RICTOR: variants seen among roughly 807,000 people sequenced by gnomAD.
The protein encoded by RICTOR is RPTOR independent companion of MTOR complex 2.
In RICTOR, 49 loss-of-function variants were observed where a neutral mutation model predicts 214.9. That is an observed-to-expected ratio of 0.23 (90% confidence interval 0.18 to 0.29). The LOEUF (loss-of-function observed/expected upper bound fraction) is 0.29. RICTOR is among the 10% of genes least tolerant of loss of function. The pLI, the probability that RICTOR is intolerant of heterozygous loss-of-function variation, is 1.00. For missense variants in RICTOR, 1,625 were observed against 2,047.0 expected, an observed-to-expected ratio of 0.79 and a Z score of 3.98; for synonymous variants, 717 against 711.3, an observed-to-expected ratio of 1.01 and a Z score of -0.13.
At position 38,947,478 on chromosome 5, in the gene RICTOR, T is replaced by C. The variant is rs202198840; in HGVS notation, c.4137-37A>G. On this transcript the variant is annotated intron_variant, in intron 31 of 37. Transcript: ENST00000357387. Reference sequence around the variant, plus strand: ...TAAAGAAACCACTTGCATTAGTTTCTTGATCTGTAATTTTAATCATATGAA... The same window carrying C: ...TAAAGAAACCACTTGCATTAGTTTCCTGATCTGTAATTTTAATCATATGAA... 200 of 1,442,210 alleles carry C rather than the reference T, an allele frequency of 1.4e-4. 1 individual carries two copies. The African/African-American group carries it at 2.4e-3, about 17-fold the overall frequency. 89.3% of individuals were successfully genotyped at this position (1,442,210 alleles called of 1,614,324 possible). A position where few individuals can be genotyped will look rare whatever the true frequency, so the allele number is the denominator to read the frequency against.
In RICTOR at chr5:38,984,307, T is replaced by C. The variant is rs572024428; in HGVS notation, c.584-2271A>G. On this transcript the variant is annotated intron_variant, in intron 7 of 37. Transcript: ENST00000357387. ...CCAAACATTTGTGGATTTTAGTTTC[T>C]TCTTCCAATTAACAATTTAGATTAC... Among the ~76,000 whole-genome samples the C allele has an allele frequency of 6.6e-5, 10 of 152,322 alleles. No homozygotes were observed. In the South Asian group the frequency reaches 2.1e-3, roughly 32 times the overall value.
At chr5:38,985,548 T>C (rs533266708) in intron 7 of RICTOR, among the ~76,000 whole-genome samples, 1 of 152,278 alleles carries the variant, frequency 6.6e-6, no homozygotes, top group Non-Finnish European at 1.5e-5. Flanking sequence ...CTTATAGTAA[T>C]ATCTATAGCT....
intron 2 of RICTOR, among the ~76,000 whole-genome samples, chr5:39,024,911 T>C (rs1252882279): frequency 1.3e-5 from 2 of 152,218 alleles, no homozygotes; most frequent in African/African-American, 4.8e-5. Context: ...TGAATGGCTA[T>C]TATGATCAGG....
At position 38,942,347 on chromosome 5, in the gene RICTOR, G is replaced by T. The variant is rs61748204; in HGVS notation, c.5084C>A (p.Thr1695Lys). The T allele has an allele frequency of 1.9e-6, 3 of 1,597,076 alleles. No homozygotes were observed. The Admixed American group carries it at 5.0e-5, about 27-fold the overall frequency. ...ATCAACTATAGGTTGCTTTGGTGGT[G>T]TTGCCAACACAGCCTCTGCTTCTTC... Reference protein sequence around the residue: ...MHEEAEAVLATPPKQPIVDTS... With the variant: ...MHEEAEAVLAKPPKQPIVDTS... The change falls in exon 38 of 38, where the codon ACA becomes AAA. Residue 1695 changes from threonine (T) to lysine (K), a missense_variant. Thr to Lys is a moderately conservative substitution (Grantham distance 78, BLOSUM62 -1). Transcript: ENST00000357387.
chr5:39,007,379 T>G (rs1754164993), intron 3 of RICTOR, among the ~76,000 whole-genome samples: 1 of 152,178 alleles, frequency 6.6e-6, no homozygotes, highest in African/African-American at 2.4e-5. Flanking sequence ...GAGATTATAT[T>G]AGATTAGGCC....
rs768260796 is a variant in RICTOR, at chr5:38,964,906, T to C, written c.1300-14A>G. On this transcript the variant is annotated splice_polypyrimidine_tract_variant and intron_variant, in intron 15 of 37. Coordinates refer to ENST00000357387, the MANE Select transcript of RICTOR (RefSeq NM_152756.5). Reference sequence around the variant, plus strand: ...AATTGTGTTTGCCTAAAATGAAGCATAACATTTTACATGAGTTTTCAGAAG... The same window carrying C: ...AATTGTGTTTGCCTAAAATGAAGCACAACATTTTACATGAGTTTTCAGAAG... 2.0e-6 allele frequency: 3 copies of C among 1,509,434 alleles called. No homozygotes were observed. Among genetic ancestry groups the C allele is most frequent in the Non-Finnish European group, 1.8e-6 (2 of 1,089,450 alleles). The allele number at this position is 1,509,434 out of a possible 1,614,324, so 93.5% of individuals were successfully genotyped here.
intron 24 of RICTOR, 127 bp downstream of exon 24, chr5:38,958,316 G>A: frequency 1.1e-5 from 7 of 631,342 alleles, no homozygotes; most frequent in East Asian, 2.8e-5. Flanking sequence ...ATAATGAAAA[G>A]ACAATGTTTC....
Position 39,057,531 on chromosome 5 carries a change from T to C in RICTOR, c.97+16580A>G, listed in dbSNP as rs949317082. ...TTCTAAGGAAAGTCATTTAAAATGGTTGGAAAAAGGAAAATGATGTGCCAG... is the reference window on the plus strand; with the variant it reads ...TTCTAAGGAAAGTCATTTAAAATGGCTGGAAAAAGGAAAATGATGTGCCAG... On this transcript the variant is annotated intron_variant, in intron 2 of 37. Transcript: ENST00000357387. 3.3e-5 allele frequency among the ~76,000 whole-genome samples: 5 copies of C among 152,072 alleles called. No homozygotes were observed. The East Asian group carries it at 5.8e-4, about 18-fold the overall frequency.
chr5:38,960,954 G>T (rs1749745338), intron 19 of RICTOR, among the ~76,000 whole-genome samples: 1 of 151,982 alleles, frequency 6.6e-6, no homozygotes, highest in African/African-American at 2.4e-5. Context: ...GTTTCCTGAG[G>T]CCTCCCTAGC....
At chr5:39,006,776 A>AGAGGAGGGGAGAGGAGG (rs1754101882) in intron 3 of RICTOR, among the ~76,000 whole-genome samples, 1 of 18,822 alleles carries the variant, frequency 5.3e-5, no homozygotes, top group African/African-American at 2.3e-4. Flanking sequence ...GGGAGAGGAG[A>AGAGGAGGGGAGAGGAGG]GGAGGGGAGG....
chr5:39,062,131 C>T (rs1758584594), intron 2 of RICTOR, among the ~76,000 whole-genome samples: 1 of 152,054 alleles, frequency 6.6e-6, no homozygotes, highest in Non-Finnish European at 1.5e-5. Flanking sequence ...TTATAGCCTA[C>T]AGTAATACGT....
intron 2 of RICTOR, among the ~76,000 whole-genome samples, chr5:39,037,185 A>C (rs1443724761): frequency 6.6e-6 from 1 of 152,228 alleles, no homozygotes; most frequent in Non-Finnish European, 1.5e-5. Context: ...ACTCAACTAC[A>C]TGGAAACTAA....
At chr5:39,007,276 T>A (rs1754157981) in intron 3 of RICTOR, among the ~76,000 whole-genome samples, 2 of 152,184 alleles carry the variant, frequency 1.3e-5, no homozygotes, top group Admixed American at 6.5e-5. Flanking sequence ...GCAGGGTTGT[T>A]GTTTTTTTAA....
chr5:39,042,966 A>G (rs1757268340), intron 2 of RICTOR, among the ~76,000 whole-genome samples: 1 of 152,204 alleles, frequency 6.6e-6, no homozygotes, highest in African/African-American at 2.4e-5. Context: ...AAAGAAAAAG[A>G]CAAAAAGTAA....
intron 2 of RICTOR, among the ~76,000 whole-genome samples, chr5:39,058,145 T>C (rs1410552263): frequency 6.6e-6 from 1 of 152,024 alleles, no homozygotes; most frequent in Non-Finnish European, 1.5e-5. Context: ...TCTTTTTCTA[T>C]TCCAACTCTC....
chr5:38,942,848 A>C lies in RICTOR; in HGVS notation c.5037T>G (p.Asp1679Glu). The part of the protein sequence containing the change: ...CRRFIQELFQ[D>E]VQFLQMHEEA... The stretch of plus-strand genomic sequence containing the variant: ...TCATACTTACTTGTAGAAACTGTAC[A>C]TCTTGAAATAATTCTTGTATGAACC... The change falls in exon 37 of 38, where the codon GAT (aspartate) becomes GAG (glutamate). Residue 1679 changes from aspartate (D) to glutamate (E), a missense_variant. Coordinates refer to ENST00000357387, the MANE Select transcript of RICTOR (RefSeq NM_152756.5). 1 of 1,608,990 alleles carries C rather than the reference A, an allele frequency of 6.2e-7. No individual in the cohort carries two copies. Among genetic ancestry groups the C allele is most frequent in the Non-Finnish European group, 8.5e-7 (1 of 1,175,318 alleles).
Position 38,939,157 on chromosome 5 carries a change from TC to T in RICTOR, c.*3146del, listed in dbSNP as rs1257810659. 4.3e-6 allele frequency: 1 copy of T among 232,926 alleles called. No individual in the cohort carries two copies. The highest frequency in any genetic ancestry group is 2.2e-5 in the African/African-American group (1 of 45,308). 14.4% of individuals were successfully genotyped at this position (232,926 alleles called of 1,614,324 possible). ...TGCTTTAATGTGGGGATAAAAGGCA[TC>T]CTCTGAATGGAATAACATTTTATAT... On this transcript the variant is annotated 3_prime_UTR_variant, in exon 38 of 38. Transcript: ENST00000357387.
At chr5:38,958,399 G>T in intron 24 of RICTOR, 44 bp downstream of exon 24, 1 of 1,284,064 alleles carries the variant, frequency 7.8e-7, no homozygotes, top group Non-Finnish European at 1.1e-6. Flanking sequence ...CACTGCCAAA[G>T]AACACAACAA....
chr5:38,954,439 C>T (rs1396605254), intron 27 of RICTOR, among the ~76,000 whole-genome samples: 2 of 151,692 alleles, frequency 1.3e-5, no homozygotes, highest in Non-Finnish European at 2.9e-5. Flanking sequence ...AAGAAAAACT[C>T]GGTTTTTCAG....
Sources: gnomAD v4.1 joint callset for allele counts (sites outside exome capture counted in the v4.1 genomes callset) on GRCh38, gnomAD v4.1.1 for gene constraint, MANE v1.5 for transcripts, NCBI Gene and HGNC (gene_info 2026-07-23, HGNC 2026-07-21) for gene names.